HIP1: variants seen among roughly 807,000 people sequenced by gnomAD.
HIP1 encodes the protein huntingtin interacting protein 1, also known as huntingtin-interacting protein 1.
A neutral mutation model predicts 147.6 loss-of-function variants in HIP1; 65 were observed. That is an observed-to-expected ratio of 0.44 (90% CI 0.36 to 0.54). HIP1 has a LOEUF of 0.54. Ranked by LOEUF, HIP1 falls within the 20% of genes least tolerant of loss-of-function variation. The probability of loss-of-function intolerance (pLI) is 0.00; values close to 1 mark genes in which losing one functional copy is unlikely to be tolerated. For synonymous variants in HIP1, 479 were observed against 504.0 expected (o/e 0.95, Z 0.67); for missense variants, 1,061 against 1,299.6 (o/e 0.82, Z 2.82).
At chr7:75,581,782 A>G (rs1554498641) in intron 6 of HIP1, among the ~76,000 whole-genome samples, 2 of 151,978 alleles carry the variant, frequency 1.3e-5, no homozygotes, top group African/African-American at 4.8e-5. Flanking sequence ...GCCTCTCAAA[A>G]AACAAAAACA....
intron 1 of HIP1, among the ~76,000 whole-genome samples, chr7:75,602,074 C>T (rs1554503056): frequency 6.6e-6 from 1 of 150,966 alleles, no homozygotes; most frequent in South Asian, 2.1e-4. Flanking sequence ...GATCTCAGCT[C>T]ACTGCAAACT....
In HIP1 at chr7:75,689,750, T is replaced by C. The variant is rs189075891; in HGVS notation, c.120+49051A>G. 1.4e-4 allele frequency among the ~76,000 whole-genome samples: 21 copies of C among 152,286 alleles called. No homozygotes were observed. In the East Asian group the frequency reaches 3.7e-3, roughly 27 times the overall value. On this transcript the variant is annotated intron_variant, in intron 1 of 30. Coordinates refer to ENST00000336926, the MANE Select transcript of HIP1 (RefSeq NM_005338.7). ...GCTATTGTTGAAAGAGGTACTCCGA[T>C]ACTTCTCCCTTAGGTATCTCTCTGA...
chr7:75,626,063 G>T (rs1798024572), intron 1 of HIP1: 1 of 152,064 alleles, frequency 6.6e-6, no homozygotes, highest in Non-Finnish European at 1.5e-5. Context: ...GAATCTGGTG[G>T]CGCTGTGATG....
intron 25 of HIP1, 42 bp downstream of exon 25, chr7:75,546,897 C>T (rs1039588810): frequency 5.2e-5 from 73 of 1,393,328 alleles, no homozygotes; most frequent in Non-Finnish European, 7.1e-5. Flanking sequence ...AGTCTGTCAC[C>T]AATGCCTCCT....
intron 1 of HIP1, among the ~76,000 whole-genome samples, chr7:75,655,627 G>T (rs375648690): frequency 2.0e-4 from 30 of 151,696 alleles, no homozygotes; most frequent in African/African-American, 7.0e-4. Context: ...GCAAAGCAAA[G>T]AAATAAGCCA....
chr7:75,543,833 C>T (rs1794426813), intron 27 of HIP1, among the ~76,000 whole-genome samples: 1 of 152,130 alleles, frequency 6.6e-6, no homozygotes, highest in African/African-American at 2.4e-5. Flanking sequence ...ACATGTGTGG[C>T]ACACCTGGGT....
chr7:75,659,840 G>A (rs1157434097), intron 1 of HIP1, among the ~76,000 whole-genome samples: 6 of 151,764 alleles, frequency 4.0e-5, no homozygotes, highest in Admixed American at 3.3e-4. Flanking sequence ...AATAACTCAG[G>A]TTCTGGCCTG....
intron 1 of HIP1, among the ~76,000 whole-genome samples, chr7:75,651,035 G>T (rs574256957): frequency 6.6e-6 from 1 of 152,026 alleles, no homozygotes. Flanking sequence ...TATTCATCCC[G>T]CACATTTCTT....
At chr7:75,632,538 C>T (rs1266491060) in intron 1 of HIP1, among the ~76,000 whole-genome samples, 1 of 151,150 alleles carries the variant, frequency 6.6e-6, no homozygotes, top group Admixed American at 6.6e-5. Flanking sequence ...CAGGCGCACA[C>T]CACCATGCCT....
intron 8 of HIP1, among the ~76,000 whole-genome samples, chr7:75,572,139 GC>G (rs1351828007): frequency 6.6e-6 from 1 of 151,600 alleles, no homozygotes; most frequent in East Asian, 1.9e-4. Context: ...CACAAGAATT[GC>G]TTGAACCTGG....
intron 1 of HIP1, among the ~76,000 whole-genome samples, chr7:75,619,808 G>A (rs1797786927): frequency 6.6e-6 from 1 of 152,178 alleles, no homozygotes; most frequent in Admixed American, 6.6e-5. Flanking sequence ...AACCACATCT[G>A]TTACATAAAG....
intron 5 of HIP1, 89 bp downstream of exon 5, chr7:75,586,664 G>T: frequency 1.2e-6 from 1 of 818,966 alleles, no homozygotes; most frequent in South Asian, 1.4e-5. Flanking sequence ...TCTATTACCT[G>T]AAAGAGCTGA....
intron 1 of HIP1, among the ~76,000 whole-genome samples, chr7:75,681,052 G>A (rs1211766001): frequency 2.0e-5 from 3 of 152,006 alleles, no homozygotes; most frequent in Admixed American, 2.0e-4. Context: ...CTGGGATTAT[G>A]GGCATGAGCC....
intron 9 of HIP1, 25 bp from the exon 10 acceptor site, chr7:75,563,288 G>A: frequency 6.2e-7 from 1 of 1,609,414 alleles, no homozygotes; most frequent in Non-Finnish European, 8.5e-7. Flanking sequence ...GGACCTGAGG[G>A]GTGCTGGGTG....
chr7:75,691,484 C>CT (rs1263927153), intron 1 of HIP1, among the ~76,000 whole-genome samples: 3 of 140,650 alleles, frequency 2.1e-5, no homozygotes, highest in Non-Finnish European at 1.5e-5. Flanking sequence ...GAGTGAGACT[C>CT]TGTCTCAAAA....
intron 7 of HIP1, among the ~76,000 whole-genome samples, chr7:75,580,304 G>A (rs1236398022): frequency 6.6e-6 from 1 of 152,218 alleles, no homozygotes; most frequent in Non-Finnish European, 1.5e-5. Context: ...GGACTGGCCA[G>A]GGCCATGGCT....
intron 1 of HIP1, among the ~76,000 whole-genome samples, chr7:75,732,963 G>A (rs1426549027): frequency 4.6e-5 from 7 of 152,114 alleles, no homozygotes; most frequent in African/African-American, 7.2e-5. Flanking sequence ...GCTGACTCAC[G>A]AGCCCCCCAG....
chr7:75,589,150 T>TA (rs112794656), intron 4 of HIP1, among the ~76,000 whole-genome samples: 191 of 129,826 alleles, frequency 1.5e-3, no homozygotes, highest in South Asian at 6.1e-3. Context: ...AACTCTGTCT[T>TA]AAAAAAAAAA....
chr7:75,651,737 A>C (rs1435541684), intron 1 of HIP1, among the ~76,000 whole-genome samples: 3 of 152,114 alleles, frequency 2.0e-5, no homozygotes, highest in Non-Finnish European at 4.4e-5. Context: ...TCTGTCTATA[A>C]AACAAGGCTA....
Sources: gnomAD v4.1 joint callset for allele counts (sites outside exome capture counted in the v4.1 genomes callset) on GRCh38, gnomAD v4.1.1 for gene constraint, MANE v1.5 for transcripts, NCBI Gene and HGNC (gene_info 2026-07-23, HGNC 2026-07-21) for gene names.